Variants in HEPACAM2 observed in about 807,000 individuals in gnomAD.
HEPACAM2 encodes the protein HEPACAM family member 2.
A neutral mutation model predicts 49.6 loss-of-function variants in HEPACAM2; 49 were observed. The observed-to-expected ratio is 0.99, with a 90% confidence interval of 0.78 to 1.25. The LOEUF (loss-of-function observed/expected upper bound fraction) is 1.25, where lower values mean the gene tolerates loss of function less well. Among genes scored for constraint, HEPACAM2 ranks in the 50% most tolerant of loss-of-function variants. The pLI is 0.00. For synonymous variants in HEPACAM2, 197 were observed against 202.9 expected (o/e 0.97, Z 0.25); for missense variants, 525 against 557.2 (o/e 0.94, Z 0.58).
intron 8 of HEPACAM2, among the ~76,000 whole-genome samples, chr7:93,192,903 C>G (rs924138971): frequency 6.6e-6 from 1 of 152,050 alleles, no homozygotes; most frequent in Non-Finnish European, 1.5e-5. Flanking sequence ...ACTGTAAAAA[C>G]TAAATGCTTA....
chr7:93,216,908 G>A (rs540048157), intron 2 of HEPACAM2, among the ~76,000 whole-genome samples: 10 of 152,188 alleles, frequency 6.6e-5, no homozygotes, highest in African/African-American at 2.4e-4. Flanking sequence ...TTCTACACTG[G>A]AAAATGTGCA....
intron 3 of HEPACAM2, among the ~76,000 whole-genome samples, chr7:93,210,626 G>A (rs575067139): frequency 1.4e-4 from 22 of 151,824 alleles, no homozygotes; most frequent in African/African-American, 4.1e-4. Context: ...TTTAGTATAC[G>A]GGAGATAGAG....
Position 93,197,451 on chromosome 7 carries a change from C to T in HEPACAM2, c.1138+34G>A, listed in dbSNP as rs1411697865. 15 of 1,584,212 alleles carry T rather than the reference C, an allele frequency of 9.5e-6. No homozygotes were observed. The South Asian group carries it at 1.3e-4, about 13-fold the overall frequency. On this transcript the variant is annotated intron_variant, in intron 5 of 9. Coordinates refer to ENST00000394468, the MANE Select transcript of HEPACAM2 (RefSeq NM_001039372.4). ...AGGTTTTTTTTAGTACACATATATA[C>T]AGCTTCAATTTTTTTTTTGTAATTT...
chr7:93,206,803 G>A (rs1242002574), intron 4 of HEPACAM2, among the ~76,000 whole-genome samples: 1 of 151,898 alleles, frequency 6.6e-6, no homozygotes, highest in Non-Finnish European at 1.5e-5. Context: ...CCAAAATACC[G>A]AGGTGATTTT....
upstream of HEPACAM2, among the ~76,000 whole-genome samples, chr7:93,228,281 A>C (rs930962186): frequency 3.3e-5 from 5 of 152,148 alleles, no homozygotes; most frequent in African/African-American, 4.8e-5. Flanking sequence ...TCCCTGTTTC[A>C]TGACATAAGG....
At chr7:93,221,454 C>T (rs1224419168) in intron 1 of HEPACAM2, among the ~76,000 whole-genome samples, 1 of 152,124 alleles carries the variant, frequency 6.6e-6, no homozygotes, top group Non-Finnish European at 1.5e-5. Context: ...GTGATTATTT[C>T]CTTGGAAAAA....
At chr7:93,191,415 G>A (rs967199276) in intron 9 of HEPACAM2, among the ~76,000 whole-genome samples, 1 of 151,954 alleles carries the variant, frequency 6.6e-6, no homozygotes, top group African/African-American at 2.4e-5. Context: ...GTTATTTTTG[G>A]TATTTACCCA....
chr7:93,205,985 A>T (rs1417600752), intron 4 of HEPACAM2, among the ~76,000 whole-genome samples: 1 of 152,118 alleles, frequency 6.6e-6, no homozygotes, highest in Non-Finnish European at 1.5e-5. Context: ...GCAAAAGGCA[A>T]TTATCTGACG....
Position 93,192,301 on chromosome 7 carries a change from C to G in HEPACAM2, c.1338G>C (p.Val446=), listed in dbSNP as rs749492464. ...CVSGQDLHST[V]YEVIQHIPAQ... ...CAGGGATGTGCTGAATAACTTCATA[C>G]ACTGTACTGTGCAAATCTTGCCCCG... The change falls in exon 9 of 10, where the codon GTG becomes GTC. Residue 446 remains valine (V), a synonymous_variant. Coordinates refer to ENST00000394468, the MANE Select transcript of HEPACAM2 (RefSeq NM_001039372.4). 3 of 1,612,904 alleles carry G rather than the reference C, an allele frequency of 1.9e-6. No homozygotes were observed. In the South Asian group the frequency reaches 3.3e-5, roughly 18 times the overall value.
intron 2 of HEPACAM2, 26 bp downstream of exon 2, chr7:93,219,075 C>CCCT: frequency 6.3e-7 from 1 of 1,597,068 alleles, no homozygotes; most frequent in Non-Finnish European, 8.6e-7. Context: ...TAGACTGCTG[C>CCCT]CCTCGTACAC....
At chr7:93,216,782 A>T (rs1260041435) in intron 2 of HEPACAM2, among the ~76,000 whole-genome samples, 1 of 152,204 alleles carries the variant, frequency 6.6e-6, no homozygotes, top group Non-Finnish European at 1.5e-5. Flanking sequence ...GAATAGGATG[A>T]TACATAAGTG....
chr7:93,220,905 A>G (rs1322319608), intron 1 of HEPACAM2, among the ~76,000 whole-genome samples: 1 of 152,196 alleles, frequency 6.6e-6, no homozygotes, highest in Non-Finnish European at 1.5e-5. Flanking sequence ...CCTCATATTA[A>G]AAGGGGCAAT....
At chr7:93,206,445 AAATG>A (rs966447480) in intron 4 of HEPACAM2, among the ~76,000 whole-genome samples, 1 of 152,078 alleles carries the variant, frequency 6.6e-6, no homozygotes, top group African/African-American at 2.4e-5. Context: ...GAGTGCTAAA[AAATG>A]AATGAATGGG....
At chr7:93,204,774 A>G (rs1424429197) in intron 4 of HEPACAM2, among the ~76,000 whole-genome samples, 1 of 152,138 alleles carries the variant, frequency 6.6e-6, no homozygotes, top group Non-Finnish European at 1.5e-5. Context: ...TCTCAGTTAT[A>G]TCAAAGGAGA....
rs146241924 is a variant in HEPACAM2, at chr7:93,219,381, G to A, written c.150C>T (p.Tyr50=). 9.9e-5 allele frequency: 160 copies of A among 1,613,968 alleles called. 1 individual carries two copies. In the East Asian group the frequency reaches 3.1e-3, roughly 31 times the overall value. ...TVHGVRGQAL[Y]LPVHYGFHTP... is the part of the protein sequence containing the mutation. The stretch of plus-strand genomic sequence containing the variant: ...TGTGGAAGCCATAGTGGACGGGTAG[G>A]TAGAGGGCCTGACCTCTGACGCCAT... The change falls in exon 2 of 10, where the codon TAC becomes TAT. Residue 50 remains tyrosine (Y), a synonymous_variant. Coordinates refer to ENST00000394468, the MANE Select transcript of HEPACAM2 (RefSeq NM_001039372.4).
intron 2 of HEPACAM2, among the ~76,000 whole-genome samples, chr7:93,218,318 C>T (rs994222552): frequency 6.6e-6 from 1 of 151,542 alleles, no homozygotes; most frequent in Admixed American, 6.6e-5. Context: ...CAGTTCAGGC[C>T]GCGGCTGATT....
At chr7:93,196,000 G>C in intron 7 of HEPACAM2, 99 bp from the exon 8 acceptor site, 1 of 806,230 alleles carries the variant, frequency 1.2e-6, no homozygotes, top group Non-Finnish European at 2.1e-6. Context: ...TGTTTTAAAT[G>C]GTATAGGTAC....
In HEPACAM2 at chr7:93,201,653, A is replaced by G. The variant is rs61374620; in HGVS notation, c.1013-4043T>C. Among the ~76,000 whole-genome samples the G allele has an allele frequency of 9.0e-3, 1,366 of 152,182 alleles. 17 individuals are homozygous for G. The highest frequency in any genetic ancestry group is 0.031 in the African/African-American group (1,275 of 41,542). On this transcript the variant is annotated intron_variant, in intron 4 of 9. Coordinates refer to ENST00000394468, the MANE Select transcript of HEPACAM2 (RefSeq NM_001039372.4). ...ATGCTCTTTCCACCACTCTTACCTA[A>G]TCATTATAGAAGAAACAAAGTCCTT...
At chr7:93,219,061 A>T (rs773592218) in intron 2 of HEPACAM2, 40 bp downstream of exon 2, 62 of 1,574,096 alleles carry the variant, frequency 3.9e-5, no homozygotes, top group Non-Finnish European at 4.2e-5. Context: ...GCTAACTACC[A>T]TGCTAGACTG....
Sources: allele counts gnomAD v4.1 joint callset (sites outside exome capture counted in the v4.1 genomes callset), GRCh38; gene constraint gnomAD v4.1.1; transcripts MANE v1.5; gene names NCBI Gene and HGNC (gene_info 2026-07-23, HGNC 2026-07-21).